ECT2: variants seen among roughly 807,000 people sequenced by gnomAD.
ECT2 encodes the protein protein ECT2.
A neutral mutation model predicts 116.9 loss-of-function variants in ECT2; 61 were observed. The observed-to-expected ratio is 0.52, with a 90% confidence interval of 0.42 to 0.65. The LOEUF is 0.65. Among genes scored for constraint, ECT2 ranks in the 30% least tolerant of loss-of-function variants. ECT2 has a pLI of 0.00. For missense variants in ECT2, 937 were observed against 1,078.7 expected (o/e 0.87, Z 1.84); for synonymous variants, 358 against 346.4 (o/e 1.03, Z -0.37).
At chr3:172,826,970 A>C in the ECT2 span, among the ~76,000 whole-genome samples, 1 of 152,248 alleles carries the variant, frequency 6.6e-6, no homozygotes, top group South Asian at 2.1e-4. Context: ...ATTTTAAAAT[A>C]GGTGAAAGAT....
intron 20 of ECT2, 58 bp from the exon 21 acceptor site, chr3:172,805,673 G>T: frequency 6.6e-7 from 1 of 1,515,438 alleles, no homozygotes. Context: ...TATTTTTTAA[G>T]TATTTGGTCC....
intron 18 of ECT2, among the ~76,000 whole-genome samples, chr3:172,791,989 A>T (rs772798426): frequency 1.4e-4 from 21 of 152,114 alleles, no homozygotes; most frequent in African/African-American, 5.1e-4. Context: ...GTTGGTTATT[A>T]ATTTCAATAT....
intron 18 of ECT2, among the ~76,000 whole-genome samples, chr3:172,798,417 C>T (rs1726128211): frequency 6.6e-6 from 1 of 151,900 alleles, no homozygotes; most frequent in South Asian, 2.1e-4. Context: ...CAACAAGTGC[C>T]CTAAAGTCAA....
At position 172,769,067 on chromosome 3, in the gene ECT2, C is replaced by T; in HGVS notation, c.1352C>T (p.Ser451Leu). 1 of 1,613,470 alleles carries T rather than the reference C, an allele frequency of 6.2e-7. No homozygotes were observed. Among genetic ancestry groups the T allele is most frequent in the Non-Finnish European group, 8.5e-7 (1 of 1,179,580 alleles). Residue 451 changes from serine to leucine, a missense_variant, in exon 13 of 25, where the codon TCA becomes TTA. By Grantham distance (145) the Ser-to-Leu change is moderately radical. Coordinates refer to ENST00000392692, the MANE Select transcript of ECT2 (RefSeq NM_001258315.2). Reference protein sequence around the residue: ...KSSTPVPSKQSARWQVAKELY... With the variant: ...KSSTPVPSKQLARWQVAKELY... ...TCCACTCCAGTTCCTTCAAAGCAGT[C>T]AGCAAGGTGGCAAGTTGCAAAAGAG... is the stretch of plus-strand genomic sequence containing the variant.
In ECT2 at chr3:172,802,901, T is replaced by A. The variant is rs780918017; in HGVS notation, c.2027T>A (p.Val676Asp). The change falls in exon 20 of 25, where the codon GTT (valine) becomes GAT (aspartate). Residue 676 changes from valine to aspartate, a missense_variant. Physicochemically the swap from Val to Asp is radical, Grantham distance 152 (BLOSUM62 -3). Transcript: ENST00000392692. The part of the protein sequence containing the change: ...LSSHRSLVQR[V>D]ETISLGEHPC... ...TCTCACCGAAGCTTAGTACAGCGGG[T>A]TGAAACAATTTCTCTAGGTGAGCAC... 1 of 1,613,342 alleles carries A rather than the reference T, an allele frequency of 6.2e-7. No homozygotes were observed. The highest frequency in any genetic ancestry group is 8.5e-7 in the Non-Finnish European group (1 of 1,179,558).
intron 12 of ECT2, among the ~76,000 whole-genome samples, chr3:172,768,391 A>G (rs80013667): frequency 1.1e-3 from 169 of 152,296 alleles, no homozygotes; most frequent in Non-Finnish European, 2.0e-3. Context: ...CTCTTTTTCT[A>G]AACACAGATA....
intron 14 of ECT2, among the ~76,000 whole-genome samples, chr3:172,778,770 T>G (rs1232811166): frequency 6.6e-6 from 1 of 151,928 alleles, no homozygotes; most frequent in African/African-American, 2.4e-5. Flanking sequence ...TAGTTTTTTG[T>G]ATTTTTAGTA....
At chr3:172,828,334 C>CTGTGTGTGTGTGTGTGTGTGTGTG in the ECT2 span, among the ~76,000 whole-genome samples, 101 of 150,260 alleles carry the variant, frequency 6.7e-4, no homozygotes, top group African/African-American at 2.4e-3. Context: ...TACCAACAGG[C>CTGTGTGTGTGTGTGTGTGTGTGTG]TGTGTGTGTG....
chr3:172,816,237 A>G (rs946259722), intron 23 of ECT2, among the ~76,000 whole-genome samples: 5 of 152,086 alleles, frequency 3.3e-5, no homozygotes, highest in African/African-American at 1.2e-4. Context: ...CTAGATTTAC[A>G]AGTTTTGTTT....
rs550025759 is a variant in ECT2 at position 172,786,934 on chromosome 3, A to G, written c.1907+360A>G. On this transcript the variant is annotated intron_variant, in intron 18 of 24. Coordinates refer to ENST00000392692, the MANE Select transcript of ECT2 (RefSeq NM_001258315.2). ...TTGAGAATGTGACCACAGTGAAACGAAAAGGTTTATAATACTTTTTCACTT... is the reference window on the plus strand; with the variant it reads ...TTGAGAATGTGACCACAGTGAAACGGAAAGGTTTATAATACTTTTTCACTT... Among the ~76,000 whole-genome samples the G allele has an allele frequency of 9.2e-5, 14 of 152,354 alleles. No homozygotes were observed. In the South Asian group the frequency reaches 2.9e-3, roughly 32 times the overall value.
chr3:172,754,950 ACTG>A (rs780165590), intron 2 of ECT2, among the ~76,000 whole-genome samples: 6 of 152,026 alleles, frequency 3.9e-5, no homozygotes, highest in Non-Finnish European at 1.5e-5. Flanking sequence ...TACAGTCATG[ACTG>A]GTTAGGTGAA....
At chr3:172,760,931 G>C (rs1434534575) in intron 7 of ECT2, among the ~76,000 whole-genome samples, 1 of 151,896 alleles carries the variant, frequency 6.6e-6, no homozygotes, top group African/African-American at 2.4e-5. Flanking sequence ...ATATTGGCCA[G>C]GGTGGTCTCA....
rs370602646 is a variant in ECT2 at position 172,802,094 on chromosome 3, G to GTTTTGTTTTTGTTTTTGT, written c.1908-505_1908-488dup. On this transcript the variant is annotated intron_variant, in intron 18 of 24. Transcript: ENST00000392692. ...TACTTTTCTGAAGGAGTCTATGGAT[G>GTTTTGTTTTTGTTTTTGT]TTTTGTTTTTGTTTTTGTTTTTGTT... Among the ~76,000 whole-genome samples the GTTTTGTTTTTGTTTTTGT allele has an allele frequency of 3.2e-4, 49 of 151,592 alleles. No individual in the cohort carries two copies. In the South Asian group the frequency reaches 6.5e-3, roughly 20 times the overall value.
downstream of ECT2, among the ~76,000 whole-genome samples, chr3:172,823,677 C>T (rs993961751): frequency 4.6e-5 from 7 of 151,922 alleles, no homozygotes; most frequent in East Asian, 5.8e-4. Context: ...TTACACTATA[C>T]GTAGACTATT....
chr3:172,819,349 T>C (rs1332884645), intron 24 of ECT2, among the ~76,000 whole-genome samples: 1 of 152,096 alleles, frequency 6.6e-6, no homozygotes, highest in African/African-American at 2.4e-5. Flanking sequence ...TATTTTGATT[T>C]ACAGTTATTC....
Position 172,803,874 on chromosome 3 carries a change from A to C in ECT2, c.2106+894A>C, listed in dbSNP as rs184704777. ...GCTTGGAGTGCAGTGGCAAGATCAC[A>C]GCTCACTGCAGCCTTGACTTCCTGG... On this transcript the variant is annotated intron_variant, in intron 20 of 24. Transcript: ENST00000392692. 4.6e-5 allele frequency among the ~76,000 whole-genome samples: 7 copies of C among 151,234 alleles called. No homozygotes were observed. In the South Asian group the frequency reaches 1.3e-3, roughly 27 times the overall value.
At chr3:172,814,055 A>C (rs1431982989) in intron 22 of ECT2, among the ~76,000 whole-genome samples, 1 of 152,112 alleles carries the variant, frequency 6.6e-6, no homozygotes, top group Non-Finnish European at 1.5e-5. Flanking sequence ...TGACATTTAC[A>C]AGTACTATTA....
intron 22 of ECT2, among the ~76,000 whole-genome samples, chr3:172,813,503 A>C (rs1441600011): frequency 6.6e-6 from 1 of 152,072 alleles, no homozygotes; most frequent in African/African-American, 2.4e-5. Flanking sequence ...TAGTATAGAA[A>C]ATTACCAACA....
rs112399639 is a variant in ECT2, at chr3:172,753,374, A to G, written c.-22-1135A>G. Among the ~76,000 whole-genome samples the G allele has an allele frequency of 4.2e-3, 644 of 152,322 alleles. 8 individuals carry two copies. The highest frequency in any genetic ancestry group is 0.015 in the African/African-American group (618 of 41,578). ...TGGCCTCCCAAAGTGCTGGGATTTC[A>G]GATGTGAGCCCCCAACCCACCCTGA... On this transcript the variant is annotated intron_variant, in intron 1 of 24. Coordinates refer to ENST00000392692, the MANE Select transcript of ECT2 (RefSeq NM_001258315.2).
Sources: gnomAD v4.1 joint callset for allele counts (sites outside exome capture counted in the v4.1 genomes callset) on GRCh38, gnomAD v4.1.1 for gene constraint, MANE v1.5 for transcripts, NCBI Gene and HGNC (gene_info 2026-07-23, HGNC 2026-07-21) for gene names.